The following PER2 variants were observed in gnomAD, a reference collection of about 807,000 sequenced individuals.
PER2 encodes the protein period circadian protein homolog 2.
PER2 carries 66 observed loss-of-function variants against 121.0 expected under a neutral mutation model. The ratio of observed to expected loss-of-function variants is 0.55; its 90% CI spans 0.45 to 0.67. PER2 has a LOEUF of 0.67. Among genes scored for constraint, PER2 ranks in the 30% least tolerant of loss-of-function variants. PER2 has a pLI of 0.00. For synonymous variants in PER2, 684 were observed against 659.9 expected, an observed-to-expected ratio of 1.04 and a Z score of -0.56; for missense variants, 1,521 against 1,635.0, an observed-to-expected ratio of 0.93 and a Z score of 1.20.
intron 1 of PER2, among the ~76,000 whole-genome samples, chr2:238,285,321 G>A (rs1175627284): frequency 6.6e-6 from 1 of 152,112 alleles, no homozygotes; most frequent in African/African-American, 2.4e-5. Flanking sequence ...GAGAGCCTGG[G>A]ATCAGGAGGA....
chr2:238,281,159 A>C (rs867405447), intron 1 of PER2, among the ~76,000 whole-genome samples: 4 of 152,050 alleles, frequency 2.6e-5, no homozygotes, highest in Middle Eastern at 3.2e-3. Context: ...GTCCGCCACC[A>C]CGCCCAGCTA....
At chr2:238,269,020 T>A in intron 6 of PER2, 46 bp from the exon 7 acceptor site, 1 of 1,362,808 alleles carries the variant, frequency 7.3e-7, no homozygotes, top group Non-Finnish European at 1.1e-6. Flanking sequence ...AACAACTAAA[T>A]ACAGTGTTCC....
At chr2:238,249,552 CCTGTGCTGGG>C (rs947237121) in intron 21 of PER2, among the ~76,000 whole-genome samples, 3 of 152,218 alleles carry the variant, frequency 2.0e-5, no homozygotes, top group Non-Finnish European at 2.9e-5. Context: ...CTGCCACTGG[CCTGTGCTGGG>C]CTGGACTACA....
At position 238,268,654 on chromosome 2, in the gene PER2, C is replaced by G. The variant is rs1201182087; in HGVS notation, c.824+269G>C. ...AAAAGACGCAGTGCTTTCAGAAACT[C>G]TGTCGACCCTGGGGTACAGGCCTTT... On this transcript the variant is annotated intron_variant, in intron 7 of 22. Coordinates refer to ENST00000254657, the MANE Select transcript of PER2 (RefSeq NM_022817.3). This position sits in a 1 kb window ranked among gnomAD's most constrained non-coding sequence, Gnocchi z 4.0. Among the ~76,000 whole-genome samples the G allele has an allele frequency of 6.6e-6, 1 of 152,234 alleles. No homozygotes were observed. Among genetic ancestry groups the G allele is most frequent in the Non-Finnish European group, 1.5e-5 (1 of 68,040 alleles).
chr2:238,290,539 C>CT (rs1559340879), upstream of PER2, among the ~76,000 whole-genome samples: 1 of 152,092 alleles, frequency 6.6e-6, no homozygotes, highest in East Asian at 1.9e-4. Context: ...TAAATGTAGC[C>CT]TTTTTTATTT....
At chr2:238,280,267 GAGCCACTCCAGGAC>G (rs1451165690) in intron 1 of PER2, among the ~76,000 whole-genome samples, 5 of 152,224 alleles carry the variant, frequency 3.3e-5, no homozygotes, top group Non-Finnish European at 5.9e-5. Context: ...ATTCGCCGGT[GAGCCACTCCAGGAC>G]AGCCTGGTGA....
intron 11 of PER2, 52 bp from the exon 12 acceptor site, chr2:238,261,889 C>G (rs1559328240): frequency 1.6e-6 from 2 of 1,257,208 alleles, no homozygotes; most frequent in East Asian, 5.1e-5. Context: ...GAGGACCTCT[C>G]TGGCGTGACT....
the PER2 span, among the ~76,000 whole-genome samples, chr2:238,297,900 G>A: frequency 4.4e-4 from 67 of 152,284 alleles, 1 homozygote; most frequent in East Asian, 8.3e-3. Context: ...AGGACATGCC[G>A]CGTGTCTGGC....
rs968883324 is a variant in PER2 at position 238,273,619 on chromosome 2, C to A, written c.449-428G>T. Among the ~76,000 whole-genome samples the A allele has an allele frequency of 5.3e-5, 8 of 152,106 alleles. No individual in the cohort carries two copies. In the South Asian group the frequency reaches 1.0e-3, roughly 20 times the overall value. ...CAAGCAATTCTCTTGCCTCAGCCTTCCAAGTAGCTGGGATTACAGGAACCC... is the reference window on the plus strand; with the variant it reads ...CAAGCAATTCTCTTGCCTCAGCCTTACAAGTAGCTGGGATTACAGGAACCC... On this transcript the variant is annotated intron_variant, in intron 4 of 22. Transcript: ENST00000254657.
intron 22 of PER2, among the ~76,000 whole-genome samples, chr2:238,247,799 TG>T (rs1489106238): frequency 6.6e-6 from 1 of 152,080 alleles, no homozygotes; most frequent in Non-Finnish European, 1.5e-5. Context: ...TGTGGATAGG[TG>T]GTCAGATGTG....
At chr2:238,265,652 T>C in intron 8 of PER2, 62 bp from the exon 9 acceptor site, 1 of 1,029,328 alleles carries the variant, frequency 9.7e-7, no homozygotes, top group Non-Finnish European at 1.5e-6. Flanking sequence ...GATGTTATAT[T>C]AAAACTACCA....
In PER2 at chr2:238,246,064, G is replaced by C; in HGVS notation, c.*311C>G. ...CAGTCACAGGACTTCTGGGAGCACT[G>C]AGGCAACTTCCCTGACACTAAGAGG... is the stretch of plus-strand genomic sequence containing the variant. On this transcript the variant is annotated 3_prime_UTR_variant, in exon 23 of 23. Coordinates refer to ENST00000254657, the MANE Select transcript of PER2 (RefSeq NM_022817.3). The C allele has an allele frequency of 4.5e-6, 1 of 219,968 alleles. No individual in the cohort carries two copies. Among genetic ancestry groups the C allele is most frequent in the Non-Finnish European group, 8.8e-6 (1 of 113,626 alleles). 13.6% of individuals were successfully genotyped at this position (219,968 alleles called of 1,614,324 possible).
rs552797503 is a variant in PER2, at chr2:238,268,812, G to A, written c.824+111C>T. 1.5e-5 allele frequency: 12 copies of A among 791,958 alleles called. No homozygotes were observed. Among genetic ancestry groups the A allele is most frequent in the East Asian group, 2.5e-5 (1 of 40,584 alleles). 49.1% of individuals were successfully genotyped at this position (791,958 alleles called of 1,614,324 possible). On this transcript the variant is annotated intron_variant, in intron 7 of 22. Coordinates refer to ENST00000254657, the MANE Select transcript of PER2 (RefSeq NM_022817.3). The surrounding 1 kb of genome is among the most constrained non-coding windows in gnomAD (Gnocchi z 4.0). Reference sequence around the variant, plus strand: ...TTTCTGGTAGACTTCAGAAACAGGCGTGCTGAGTCCCTGCAGGCAGGGATC... The same window carrying A: ...TTTCTGGTAGACTTCAGAAACAGGCATGCTGAGTCCCTGCAGGCAGGGATC...
intron 14 of PER2, among the ~76,000 whole-genome samples, 182 bp downstream of exon 14, chr2:238,259,787 T>C (rs868263391): frequency 6.6e-6 from 1 of 152,136 alleles, no homozygotes; most frequent in Non-Finnish European, 1.5e-5. Flanking sequence ...ACTGGCTGAG[T>C]GCAGGACTGG....
chr2:238,281,583 AC>A (rs1409913203), intron 1 of PER2, among the ~76,000 whole-genome samples: 3 of 152,254 alleles, frequency 2.0e-5, no homozygotes, highest in Non-Finnish European at 4.4e-5. Flanking sequence ...AAGCAAGAAG[AC>A]TGCCTAGGCC....
chr2:238,294,053 C>T (rs1697005062), upstream of PER2, among the ~76,000 whole-genome samples: 1 of 152,190 alleles, frequency 6.6e-6, no homozygotes. Flanking sequence ...CCCCCCCACA[C>T]CCAAGGTGAT....
chr2:238,273,206 G>C lies in PER2; in HGVS notation c.449-15C>G. On this transcript the variant is annotated splice_polypyrimidine_tract_variant and intron_variant, in intron 4 of 22. Transcript: ENST00000254657. ...CTCTTCATTGGCTGCAGGAGAGACA[G>C]TGTTCACTCAGTGGGCAGAACCCAG... 1 of 1,610,872 alleles carries C rather than the reference G, an allele frequency of 6.2e-7. No individual in the cohort carries two copies. The highest frequency in any genetic ancestry group is 8.5e-7 in the Non-Finnish European group (1 of 1,178,972).
rs34195482 is a variant in PER2 at position 238,245,894 on chromosome 2, T to TA, written c.*480dup. On this transcript the variant is annotated 3_prime_UTR_variant, in exon 23 of 23. Coordinates refer to ENST00000254657, the MANE Select transcript of PER2 (RefSeq NM_022817.3). ...GGCTGCTATCTCCATTTGGTATGTA[T>TA]AAAAAAACACTCTACCTTGACTAAA... The TA allele has an allele frequency of 2.7e-6, 1 of 366,352 alleles. No individual in the cohort carries two copies. The highest frequency in any genetic ancestry group is 4.8e-6 in the Non-Finnish European group (1 of 206,760). 22.7% of individuals were successfully genotyped at this position (366,352 alleles called of 1,614,324 possible).
intron 1 of PER2, among the ~76,000 whole-genome samples, chr2:238,280,187 G>A (rs1696587705): frequency 6.6e-6 from 1 of 152,192 alleles, no homozygotes; most frequent in South Asian, 2.1e-4. Context: ...GATTCCAACA[G>A]CTGGCCCCAG....
Sources: gnomAD v4.1 joint callset for allele counts (sites outside exome capture counted in the v4.1 genomes callset) on GRCh38, gnomAD v4.1.1 for gene constraint, Gnocchi (gnomAD v3.1) non-coding constraint, MANE v1.5 for transcripts, NCBI Gene and HGNC (gene_info 2026-07-23, HGNC 2026-07-21) for gene names.